MME: variants seen among roughly 807,000 people sequenced by gnomAD.
MME encodes neprilysin.
In MME, 98 loss-of-function variants were observed where a neutral mutation model predicts 113.2. The ratio of observed to expected loss-of-function variants is 0.87; its 90% CI spans 0.74 to 1.02. MME has a LOEUF of 1.02. Among genes scored for constraint, MME ranks in the 50% least tolerant of loss-of-function variants. The pLI, the probability that MME is intolerant of heterozygous loss-of-function variation, is 0.00. For synonymous variants in MME, 292 were observed against 300.6 expected (o/e 0.97, Z 0.30); for missense variants, 836 against 896.0 (o/e 0.93, Z 0.86).
At chr3:155,089,352 A>G (rs1716073193) in intron 3 of MME, among the ~76,000 whole-genome samples, 1 of 152,222 alleles carries the variant, frequency 6.6e-6, no homozygotes, top group African/African-American at 2.4e-5. Context: ...TTAGATTTCA[A>G]GGAATCTTGT....
chr3:155,148,703 C>T lies in MME; in HGVS notation c.1601+50C>T, dbSNP rs199500292. On this transcript the variant is annotated intron_variant, in intron 16 of 22. Transcript: ENST00000360490. ...TGATCATCTAGAAGCAGGTCTTTCC[C>T]TCCTTTCTTTGTTGGATTAAGTGAA... 74 of 1,362,688 alleles carry T rather than the reference C, an allele frequency of 5.4e-5. No individual in the cohort carries two copies. In the African/African-American group the frequency reaches 1.0e-3, roughly 18 times the overall value. The allele number at this position is 1,362,688 out of a possible 1,614,324, so 84.4% of individuals were successfully genotyped here. A position where few individuals can be genotyped will look rare whatever the true frequency, so the allele number is the denominator to read the frequency against.
At chr3:155,161,221 GT>G (rs1181373427) in intron 17 of MME, among the ~76,000 whole-genome samples, 1 of 151,836 alleles carries the variant, frequency 6.6e-6, no homozygotes, top group Admixed American at 6.6e-5. Flanking sequence ...TTTTCAGGGG[GT>G]TTTTAGCATT....
At chr3:155,041,263 A>G (rs1038373270) in intron 1 of MME, among the ~76,000 whole-genome samples, 32 of 151,918 alleles carry the variant, frequency 2.1e-4, no homozygotes, top group African/African-American at 7.5e-4. Context: ...CCCCCAATCC[A>G]TCTACACAGC....
At chr3:155,046,073 C>A (rs1292380201) in intron 1 of MME, among the ~76,000 whole-genome samples, 1 of 152,100 alleles carries the variant, frequency 6.6e-6, no homozygotes, top group Non-Finnish European at 1.5e-5. Flanking sequence ...AGCTTTTGTG[C>A]CTCTATCTCT....
At position 155,168,811 on chromosome 3, in the gene MME, A is replaced by G; in HGVS notation, c.1980+14A>G. 1 of 1,600,710 alleles carries G rather than the reference A, an allele frequency of 6.2e-7. No homozygotes were observed. The highest frequency in any genetic ancestry group is 8.6e-7 in the Non-Finnish European group (1 of 1,168,412). On this transcript the variant is annotated intron_variant, in intron 20 of 22. Transcript: ENST00000360490. ...CAAGCATACAGAGTAAGTAAAAAAG[A>G]TTTTCTTTCCATTTTAGTGATTTAG...
chr3:155,161,902 T>C (rs1722749209), intron 17 of MME, among the ~76,000 whole-genome samples: 1 of 152,202 alleles, frequency 6.6e-6, no homozygotes, highest in Non-Finnish European at 1.5e-5. Context: ...TAATATATTA[T>C]TTGAAACCAT....
intron 1 of MME, among the ~76,000 whole-genome samples, chr3:155,043,875 C>A (rs1713449632): frequency 6.6e-6 from 1 of 151,950 alleles, no homozygotes; most frequent in African/African-American, 2.4e-5. Flanking sequence ...TACGAATTTA[C>A]TCTGTTAGTA....
At chr3:155,026,829 A>C (rs1712802736) in intron 1 of MME, among the ~76,000 whole-genome samples, 1 of 152,196 alleles carries the variant, frequency 6.6e-6, no homozygotes, top group Non-Finnish European at 1.5e-5. Context: ...TCATAAATAA[A>C]GCTGTAGAAA....
At chr3:155,118,965 T>G (rs1197300871) in intron 8 of MME, among the ~76,000 whole-genome samples, 154 bp downstream of exon 8, 1 of 152,216 alleles carries the variant, frequency 6.6e-6, no homozygotes, top group East Asian at 1.9e-4. Flanking sequence ...GAGCTGTCTT[T>G]GATAGAATGA....
At chr3:155,167,091 T>C in intron 18 of MME, 70 bp downstream of exon 18, 4 of 1,547,452 alleles carry the variant, frequency 2.6e-6, no homozygotes, top group Non-Finnish European at 3.6e-6. Flanking sequence ...GTTATTATAA[T>C]TTATTACTAC....
chr3:155,031,067 C>G (rs772688046), intron 1 of MME, among the ~76,000 whole-genome samples: 4 of 152,082 alleles, frequency 2.6e-5, no homozygotes, highest in African/African-American at 9.7e-5. Context: ...ACAGGGGATC[C>G]AAAGAGGGAA....
intron 22 of MME, among the ~76,000 whole-genome samples, chr3:155,178,151 T>A (rs775696956): frequency 6.6e-6 from 1 of 152,132 alleles, no homozygotes; most frequent in Non-Finnish European, 1.5e-5. Flanking sequence ...TGGACTAATA[T>A]ATAAATTCCC....
intron 3 of MME, among the ~76,000 whole-genome samples, chr3:155,087,681 A>G (rs1475555083): frequency 6.6e-6 from 1 of 151,910 alleles, no homozygotes; most frequent in Non-Finnish European, 1.5e-5. Flanking sequence ...TAATCTATAG[A>G]TTCTCTCTTC....
intron 10 of MME, 99 bp downstream of exon 10, chr3:155,140,391 G>A (rs2108308414): frequency 2.1e-6 from 1 of 476,060 alleles, no homozygotes; most frequent in Non-Finnish European, 4.0e-6. Context: ...ATTTATTGAA[G>A]TAAATGGGAC....
chr3:155,079,635 G>GC (rs999584914), upstream of MME: 4 of 139,382 alleles, frequency 2.9e-5, no homozygotes, highest in Admixed American at 2.1e-4. Context: ...GGGGGTGGGG[G>GC]GGGTGGGCCG....
chr3:155,063,740 A>G (rs1202527989), intron 1 of MME, among the ~76,000 whole-genome samples: 2 of 140,622 alleles, frequency 1.4e-5, no homozygotes, highest in Non-Finnish European at 3.0e-5. Flanking sequence ...TTCTTCCCCC[A>G]AATGAGCCTT....
intron 3 of MME, among the ~76,000 whole-genome samples, chr3:155,092,702 G>A (rs1301000462): frequency 1.3e-5 from 2 of 152,154 alleles, no homozygotes; most frequent in African/African-American, 4.8e-5. Flanking sequence ...TATGTGCAAT[G>A]GTGTAGATAA....
intron 3 of MME, among the ~76,000 whole-genome samples, chr3:155,092,595 G>T (rs1173691868): frequency 1.4e-4 from 21 of 151,928 alleles, no homozygotes. Flanking sequence ...CCAAAATATG[G>T]AAATATCCCA....
At chr3:155,046,840 A>G (rs977271971) in intron 1 of MME, among the ~76,000 whole-genome samples, 34 of 152,252 alleles carry the variant, frequency 2.2e-4, no homozygotes, top group African/African-American at 8.0e-4. Flanking sequence ...TTGTAAAAAT[A>G]GAAAAAAGTT....
Sources: allele counts gnomAD v4.1 joint callset (sites outside exome capture counted in the v4.1 genomes callset), GRCh38; gene constraint gnomAD v4.1.1; transcripts MANE v1.5; gene names NCBI Gene and HGNC (gene_info 2026-07-23, HGNC 2026-07-21).